Variants in HTR2A observed in about 807,000 individuals in gnomAD.
HTR2A encodes 5-hydroxytryptamine receptor 2A, also known as 5-HT2 receptor.
In HTR2A, 14 loss-of-function variants were observed where a neutral mutation model predicts 31.0. The ratio of observed to expected loss-of-function variants is 0.45; its 90% CI spans 0.30 to 0.71. The LOEUF (loss-of-function observed/expected upper bound fraction) is 0.71, where lower values mean the gene tolerates loss of function less well. Ranked by LOEUF, HTR2A falls within the 30% of genes least tolerant of loss-of-function variation. HTR2A has a pLI of 0.09. For synonymous variants in HTR2A, 209 were observed against 225.2 expected (o/e 0.93, Z 0.64); for missense variants, 442 against 573.3 (o/e 0.77, Z 2.34).
Position 46,896,346 on chromosome 13 carries a change from G to T in HTR2A, c.-328-112C>A, listed in dbSNP as rs1257382025. The T allele has an allele frequency of 8.9e-6, 5 of 559,286 alleles. No individual in the cohort carries two copies. The East Asian group carries it at 3.1e-4, about 34-fold the overall frequency. The allele number at this position is 559,286 out of a possible 1,614,324, so 34.6% of individuals were successfully genotyped here. A position where few individuals can be genotyped will look rare whatever the true frequency, so the allele number is the denominator to read the frequency against. On this transcript the variant is annotated intron_variant, in intron 1 of 3. Coordinates refer to ENST00000542664, the MANE Select transcript of HTR2A (RefSeq NM_000621.5). Reference sequence around the variant, plus strand: ...AGCAACAGTATTATTAAAATAGCATGCAATCAGAAACAGTGGGGATGTACA... The same window carrying T: ...AGCAACAGTATTATTAAAATAGCATTCAATCAGAAACAGTGGGGATGTACA...
intron 3 of HTR2A, among the ~76,000 whole-genome samples, chr13:46,879,681 G>A (rs1036641434): frequency 4.6e-5 from 7 of 152,132 alleles, no homozygotes; most frequent in African/African-American, 1.7e-4. Context: ...GGCAATCAAA[G>A]GCTGTAAAAA....
chr13:46,845,455 T>C (rs900434284), intron 3 of HTR2A, among the ~76,000 whole-genome samples: 7 of 152,142 alleles, frequency 4.6e-5, no homozygotes, highest in Admixed American at 3.3e-4. Context: ...GCTTATCACT[T>C]ACCAGAAGCA....
In HTR2A at chr13:46,834,951, T is replaced by C; in HGVS notation, c.1302A>G (p.Gln434=). 6.2e-7 allele frequency: 1 copy of C among 1,614,162 alleles called. No homozygotes were observed. The highest frequency in any genetic ancestry group is 1.3e-5 in the African/African-American group (1 of 75,064). The part of the protein sequence containing the change: ...LQMGQKKNSK[Q]DAKTTDNDCS... ...AGTCATTATCTGTTGTCTTGGCATC[T>C]TGCTTTGAATTCTTTTTTTGTCCCA... The change falls in exon 4 of 4, where the codon CAA becomes CAG. Residue 434 remains glutamine (Q), a synonymous_variant. Coordinates refer to ENST00000542664, the MANE Select transcript of HTR2A (RefSeq NM_000621.5).
At chr13:46,897,916 G>A (rs1026569344), upstream of HTR2A, among the ~76,000 whole-genome samples, 4 of 152,056 alleles carry the variant, frequency 2.6e-5, no homozygotes, top group East Asian at 7.7e-4. Context: ...CCCTCACTCC[G>A]CATCCCCCTG....
Position 46,839,003 on chromosome 13 carries a change from CA to C in HTR2A, c.614-3365del, listed in dbSNP as rs1566299386. Among the ~76,000 whole-genome samples, 1,408 of 152,036 alleles carry C rather than the reference CA, an allele frequency of 9.3e-3. 18 individuals are homozygous for C. Among genetic ancestry groups the C allele is most frequent in the African/African-American group, 0.031 (1,287 of 41,468 alleles). ...ACACACACACACACACACACACACA[CA>C]CACACCCTTACAGAATAGCCCAGTT... On this transcript the variant is annotated intron_variant, in intron 3 of 3. Coordinates refer to ENST00000542664, the MANE Select transcript of HTR2A (RefSeq NM_000621.5).
At chr13:46,838,126 A>C (rs1356835533) in intron 3 of HTR2A, among the ~76,000 whole-genome samples, 1 of 152,228 alleles carries the variant, frequency 6.6e-6, no homozygotes, top group Admixed American at 6.5e-5. Context: ...ATTTCTAAGA[A>C]GAGTGTTTTT....
chr13:46,885,971 G>A (rs568515162), intron 3 of HTR2A, among the ~76,000 whole-genome samples: 2 of 152,170 alleles, frequency 1.3e-5, no homozygotes, highest in East Asian at 3.9e-4. Context: ...TGTATTTTAA[G>A]GTTATTAACC....
intron 2 of HTR2A, among the ~76,000 whole-genome samples, chr13:46,893,495 G>GTGTGCTTTAGAGAAGGTCCT: frequency 6.6e-6 from 1 of 152,318 alleles, no homozygotes; most frequent in Admixed American, 6.5e-5. Flanking sequence ...GTATCAGCTG[G>GTGTGCTTTAGAGAAGGTCCT]AGAGCTTTAG....
chr13:46,893,218 A>G (rs1338006652), intron 2 of HTR2A, among the ~76,000 whole-genome samples: 3 of 152,294 alleles, frequency 2.0e-5, no homozygotes, highest in East Asian at 3.9e-4. Context: ...AAGGGTGAAG[A>G]AAAATAAAGA....
At chr13:46,863,630 G>GAAAAAAAAAAAAAAAAAAAAAAAA (rs59693757) in intron 3 of HTR2A, among the ~76,000 whole-genome samples, 6 of 59,250 alleles carry the variant, frequency 1.0e-4, no homozygotes, top group African/African-American at 2.1e-4. Context: ...CCCTCAAAAT[G>GAAAAAAAAAAAAAAAAAAAAAAAA]AAAAAAAAAA....
At chr13:46,889,135 T>C (rs1951031057) in intron 3 of HTR2A, among the ~76,000 whole-genome samples, 1 of 151,812 alleles carries the variant, frequency 6.6e-6, no homozygotes, top group African/African-American at 2.4e-5. Context: ...TCACAAAAGG[T>C]TTGAAAGTAA....
intron 3 of HTR2A, among the ~76,000 whole-genome samples, chr13:46,889,022 T>C (rs898582399): frequency 6.6e-6 from 1 of 152,058 alleles, no homozygotes; most frequent in Non-Finnish European, 1.5e-5. Context: ...AACCCAAATA[T>C]GAGTTAACAT....
Position 46,892,259 on chromosome 13 carries a change from G to T in HTR2A, c.613+131C>A. ...AAGCGAATCTGATAATTATGATGTT[G>T]TAACATATCTTGCACCACCCAAAAC... is the stretch of plus-strand genomic sequence containing the variant. On this transcript the variant is annotated intron_variant, in intron 3 of 3. Coordinates refer to ENST00000542664, the MANE Select transcript of HTR2A (RefSeq NM_000621.5). 14 of 831,988 alleles carry T rather than the reference G, an allele frequency of 1.7e-5. No homozygotes were observed. In the South Asian group the frequency reaches 2.2e-4, roughly 13 times the overall value. The allele number at this position is 831,988 out of a possible 1,614,324, so 51.5% of individuals were successfully genotyped here.
intron 3 of HTR2A, among the ~76,000 whole-genome samples, chr13:46,873,707 T>C (rs1315528050): frequency 6.6e-6 from 1 of 152,194 alleles, no homozygotes; most frequent in Non-Finnish European, 1.5e-5. Flanking sequence ...TTTGGTTTTT[T>C]GTCCTTGCGA....
chr13:46,835,916 ATAT>A (rs1876438623), intron 3 of HTR2A, among the ~76,000 whole-genome samples: 1 of 152,028 alleles, frequency 6.6e-6, no homozygotes. Flanking sequence ...TCTGATTATA[ATAT>A]TATACTTATT....
Position 46,895,040 on chromosome 13 carries a change from A to C in HTR2A, c.412+455T>G, listed in dbSNP as rs970908595. ...CCAAAGTAATTGGGAAGGCTTTATC[A>C]CTCCATTAAAAGTGCTGAAAACTGT... On this transcript the variant is annotated intron_variant, in intron 2 of 3. Transcript: ENST00000542664. The surrounding 1 kb of genome is among the most constrained non-coding windows in gnomAD (Gnocchi z 4.4). 9.9e-5 allele frequency among the ~76,000 whole-genome samples: 15 copies of C among 152,162 alleles called. No individual in the cohort carries two copies. The East Asian group carries it at 2.9e-3, about 29-fold the overall frequency.
intron 3 of HTR2A, among the ~76,000 whole-genome samples, chr13:46,884,717 A>C (rs1365648463): frequency 6.6e-6 from 1 of 152,208 alleles, no homozygotes; most frequent in African/African-American, 2.4e-5. Context: ...GAAATGCTTA[A>C]GGAAAAAGAT....
chr13:46,885,051 T>G (rs866677135), intron 3 of HTR2A, among the ~76,000 whole-genome samples: 5 of 150,544 alleles, frequency 3.3e-5, no homozygotes, highest in Admixed American at 6.6e-5. Flanking sequence ...ATATAGACTG[T>G]TTTTTTTTCC....
intron 3 of HTR2A, among the ~76,000 whole-genome samples, chr13:46,842,084 C>G (rs1413136162): frequency 1.3e-5 from 2 of 152,040 alleles, no homozygotes; most frequent in Non-Finnish European, 2.9e-5. Flanking sequence ...ATCAATGATA[C>G]AATTATGATT....
Sources: allele counts gnomAD v4.1 joint callset (sites outside exome capture counted in the v4.1 genomes callset), GRCh38; gene constraint gnomAD v4.1.1; non-coding constraint Gnocchi (gnomAD v3.1); transcripts MANE v1.5; gene names NCBI Gene and HGNC (gene_info 2026-07-23, HGNC 2026-07-21).